PDIA6: variants seen among roughly 807,000 people sequenced by gnomAD.
PDIA6 encodes the protein protein disulfide isomerase family A member 6.
A neutral mutation model predicts 58.4 loss-of-function variants in PDIA6; 29 were observed. The ratio of observed to expected loss-of-function variants is 0.50; its 90% CI spans 0.37 to 0.68. The LOEUF (loss-of-function observed/expected upper bound fraction) is 0.68, where lower values mean the gene tolerates loss of function less well. PDIA6 is among the 30% of genes least tolerant of loss of function. The pLI is 0.00. For synonymous variants in PDIA6, 192 were observed against 202.6 expected, an observed-to-expected ratio of 0.95 and a Z score of 0.44; for missense variants, 480 against 551.0, an observed-to-expected ratio of 0.87 and a Z score of 1.29.
chr2:10,808,549 C>T (rs553234582), intron 1 of PDIA6, among the ~76,000 whole-genome samples: 1 of 152,250 alleles, frequency 6.6e-6, no homozygotes, highest in African/African-American at 2.4e-5. Context: ...AGATAAAATA[C>T]AGGGAGTATC....
At chr2:10,804,370 A>G (rs60385368) in intron 1 of PDIA6, among the ~76,000 whole-genome samples, 28,022 of 91,110 alleles carry the variant, frequency 0.31, 5,884 homozygotes, top group Middle Eastern at 0.45. Flanking sequence ...GAAGGGATCC[A>G]GTTTCAGCTT....
At chr2:10,837,610 C>T (rs1309998404) in exon 1 of PDIA6, 1 of 1,036,448 alleles carries the variant, frequency 9.6e-7, no homozygotes, top group South Asian at 1.3e-5. Context: ...CCTCATTTTG[C>T]AGTCAGAAAA....
exon 2 of PDIA6, chr2:10,819,333 T>C: frequency 6.5e-7 from 1 of 1,538,198 alleles, no homozygotes; most frequent in Non-Finnish European, 8.8e-7. Flanking sequence ...TGATAGGGAG[T>C]GGGCAGGAGA....
Position 10,802,576 on chromosome 2 carries a change from G to C in PDIA6, c.84C>G (p.Ile28Met). The change falls in exon 2 of 13, where the codon ATC (isoleucine) becomes ATG (methionine). Residue 28 changes from isoleucine to methionine, a missense_variant. Transcript: ENST00000272227. ...GGTTGAAATTCGATGGAGTTAATTCGATCACATCATCACTAGAGGAATACA... is the reference window on the plus strand; with the variant it reads ...GGTTGAAATTCGATGGAGTTAATTCCATCACATCATCACTAGAGGAATACA... ...NGLYSSSDDVIELTPSNFNRE... is the reference protein window; with the variant it reads ...NGLYSSSDDVMELTPSNFNRE... 1 of 1,491,812 alleles carries C rather than the reference G, an allele frequency of 6.7e-7. No homozygotes were observed. The highest frequency in any genetic ancestry group is 8.9e-7 in the Non-Finnish European group (1 of 1,119,534). The allele number at this position is 1,491,812 out of a possible 1,614,324, so 92.4% of individuals were successfully genotyped here. A position where few individuals can be genotyped will look rare whatever the true frequency, so the allele number is the denominator to read the frequency against.
Position 10,788,771 on chromosome 2 carries a change from T to C in PDIA6, c.926-2A>G. 2 of 1,609,960 alleles carry C rather than the reference T, an allele frequency of 1.2e-6. No individual in the cohort carries two copies. Among genetic ancestry groups the C allele is most frequent in the Non-Finnish European group, 1.7e-6 (2 of 1,176,194 alleles). The stretch of plus-strand genomic sequence containing the variant: ...GATAAGAATTTCTGCCTGCAGCTCC[T>C]GATTTAAATAGACAAAGTTTTTTAA... On this transcript the variant is annotated splice_acceptor_variant, in intron 9 of 12. Transcript: ENST00000272227. LOFTEE classifies it high-confidence loss of function.
At chr2:10,830,906 G>A (rs949061489) in intron 1 of PDIA6, among the ~76,000 whole-genome samples, 4 of 152,186 alleles carry the variant, frequency 2.6e-5, no homozygotes, top group East Asian at 1.9e-4. Flanking sequence ...GCTTGGCCAC[G>A]TCAGCTTTTC....
intron 11 of PDIA6, 33 bp from the exon 12 acceptor site, chr2:10,785,063 A>G (rs773171799): frequency 7.4e-7 from 1 of 1,353,574 alleles, no homozygotes. Context: ...ACACACACAC[A>G]TTTACAATGG....
intron 2 of PDIA6, among the ~76,000 whole-genome samples, chr2:10,799,875 G>A (rs1666427916): frequency 6.7e-6 from 1 of 149,990 alleles, no homozygotes. Context: ...AAGGGCTGGT[G>A]GATAAAAATT....
chr2:10,830,895 C>G (rs1044458470), intron 1 of PDIA6, among the ~76,000 whole-genome samples: 2 of 152,160 alleles, frequency 1.3e-5, no homozygotes, highest in African/African-American at 2.4e-5. Context: ...TCTCCTTGGG[C>G]GCTTGGCCAC....
At chr2:10,790,584 A>T (rs1233359506) in intron 7 of PDIA6, 135 bp downstream of exon 7, 11 of 640,682 alleles carry the variant, frequency 1.7e-5, no homozygotes, top group Non-Finnish European at 3.0e-5. Context: ...TATGACAATA[A>T]AGTGACTTTA....
chr2:10,788,748 TAAG>T lies in PDIA6; in HGVS notation c.944_946del (p.Ser315del). On this transcript the variant is annotated inframe_deletion, in exon 10 of 13. Coordinates refer to ENST00000272227, the MANE Select transcript of PDIA6 (RefSeq NM_005742.4). ...TGCCAACTTCAGAAGAACTTCCAGA[TAAG>T]AATTTCTGCCTGCAGCTCCTGATTT... is the stretch of plus-strand genomic sequence containing the variant. 1 of 1,613,218 alleles carries T rather than the reference TAAG, an allele frequency of 6.2e-7. No homozygotes were observed. Among genetic ancestry groups the T allele is most frequent in the Non-Finnish European group, 8.5e-7 (1 of 1,179,116 alleles).
chr2:10,821,009 G>A (rs890073397), intron 1 of PDIA6: 1 of 583,184 alleles, frequency 1.7e-6, no homozygotes, highest in Non-Finnish European at 3.1e-6. Flanking sequence ...GGACGAAGGG[G>A]AGGGGGGTGG....
intron 1 of PDIA6, among the ~76,000 whole-genome samples, chr2:10,803,911 G>GTTTTTTTTTTTTTTTTTTTTTTT (rs754643092): frequency 2.5e-5 from 3 of 117,892 alleles, no homozygotes; most frequent in Non-Finnish European, 5.3e-5. Flanking sequence ...TAGTTTTTGT[G>GTTTTTTTTTTTTTTTTTTTTTTT]TTTTTTTTTT....
chr2:10,784,362 G>T, intron 12 of PDIA6, 36 bp from the exon 13 acceptor site: 2 of 1,549,602 alleles, frequency 1.3e-6, no homozygotes, highest in Non-Finnish European at 1.8e-6. Flanking sequence ...TAGATCTGCA[G>T]AAGGGGACAC....
chr2:10,799,115 A>G (rs17365216), intron 2 of PDIA6, among the ~76,000 whole-genome samples: 22,422 of 152,200 alleles, frequency 0.15, 2,023 homozygotes, highest in Non-Finnish European at 0.21. Flanking sequence ...TGGGAAATAC[A>G]ACACAGAAAA....
chr2:10,790,350 A>G (rs906228578), intron 7 of PDIA6, among the ~76,000 whole-genome samples: 1 of 152,182 alleles, frequency 6.6e-6, no homozygotes, highest in Non-Finnish European at 1.5e-5. Flanking sequence ...GTCAATTATC[A>G]ATCAGGGAGT....
At chr2:10,802,435 T>C (rs571429174) in intron 2 of PDIA6, 64 bp downstream of exon 2, 1 of 1,045,636 alleles carries the variant, frequency 9.6e-7, no homozygotes, top group Non-Finnish European at 1.3e-6. Context: ...CAGATTTTTA[T>C]ACAGCGTTTT....
intron 2 of PDIA6, among the ~76,000 whole-genome samples, chr2:10,798,167 A>G (rs1477053903): frequency 6.6e-6 from 1 of 152,226 alleles, no homozygotes; most frequent in Non-Finnish European, 1.5e-5. Flanking sequence ...CCTGGGCAAC[A>G]GAGTGAGATT....
chr2:10,829,425 C>G, intron 1 of PDIA6, among the ~76,000 whole-genome samples: 1 of 152,228 alleles, frequency 6.6e-6, no homozygotes, highest in East Asian at 1.9e-4. Context: ...CCTTCCATTG[C>G]CTGCTATTGC....
Sources: gnomAD v4.1 joint callset for allele counts (sites outside exome capture counted in the v4.1 genomes callset) on GRCh38, gnomAD v4.1.1 for gene constraint, MANE v1.5 for transcripts, NCBI Gene and HGNC (gene_info 2026-07-23, HGNC 2026-07-21) for gene names.